Variants in C11orf65 observed in about 807,000 individuals in gnomAD.
C11orf65 encodes chromosome 11 open reading frame 65.
Under a neutral mutation model 35.3 loss-of-function variants are expected in C11orf65, and 38 were observed. That is an observed-to-expected ratio of 1.08 (90% confidence interval 0.83 to 1.41). C11orf65 has a LOEUF of 1.41. Among genes scored for constraint, C11orf65 ranks in the 40% most tolerant of loss-of-function variants. C11orf65 has a pLI of 0.00. For synonymous variants in C11orf65, 105 were observed against 114.4 expected (o/e 0.92, Z 0.53); for missense variants, 370 against 367.1 (o/e 1.01, Z -0.06).
At chr11:108,443,302 C>T (rs917084001) in intron 2 of C11orf65, among the ~76,000 whole-genome samples, 1 of 151,240 alleles carries the variant, frequency 6.6e-6, no homozygotes, top group South Asian at 2.1e-4. Context: ...GCACCCAATA[C>T]AGGAGCACCC....
At position 108,347,370 on chromosome 11, in the gene C11orf65, G is replaced by A. The variant is rs1565567590; in HGVS notation, c.227-12078C>T. 2 of 1,574,738 alleles carry A rather than the reference G, an allele frequency of 1.3e-6. No individual in the cohort carries two copies. The highest frequency in any genetic ancestry group is 2.2e-5 in the South Asian group (2 of 90,202). ...AACTTGTACATATAGATCTAGGTAA[G>A]TAATAAAATCTATGTATCTATTCTT... On this transcript the variant is annotated intron_variant, in intron 2 of 3. Coordinates refer to the C11orf65 transcript ENST00000524755.
At chr11:108,369,148 G>A (rs149092388) in intron 2 of C11orf65, 101 of 159,328 alleles carry the variant, frequency 6.3e-4, no homozygotes, top group Middle Eastern at 2.9e-3. Context: ...TGTTCTGTGT[G>A]CCAGGCATGG....
At chr11:108,359,351 A>G (rs1223650601) in intron 2 of C11orf65, among the ~76,000 whole-genome samples, 1 of 152,124 alleles carries the variant, frequency 6.6e-6, no homozygotes, top group Admixed American at 6.5e-5. Context: ...ATAATGGGAG[A>G]CTTTAACACC....
intron 2 of C11orf65, among the ~76,000 whole-genome samples, chr11:108,460,783 T>C (rs1243267434): frequency 2.0e-5 from 3 of 152,084 alleles, no homozygotes; most frequent in Non-Finnish European, 4.4e-5. Flanking sequence ...TGAAGTGCAA[T>C]GGCGTGATCT....
intron 6 of C11orf65, among the ~76,000 whole-genome samples, chr11:108,400,164 A>G (rs1403488321): frequency 6.6e-6 from 1 of 152,156 alleles, no homozygotes; most frequent in African/African-American, 2.4e-5. Flanking sequence ...TGCCCAAAAT[A>G]TGTCATACAT....
At chr11:108,353,738 C>T (rs2137281818) in intron 2 of C11orf65, 4 of 1,548,032 alleles carry the variant, frequency 2.6e-6, no homozygotes, top group Non-Finnish European at 3.6e-6. Context: ...TGTCAAACCT[C>T]CTAACTTCAC....
chr11:108,309,064 G>A (rs1429746058), exon 7 of C11orf65: 14 of 1,491,614 alleles, frequency 9.4e-6, no homozygotes, highest in Non-Finnish European at 1.3e-5. Context: ...AGATCCTGAA[G>A]AATATTCCTG....
At chr11:108,403,239 A>G (rs905565633) in intron 6 of C11orf65, among the ~76,000 whole-genome samples, 9 of 152,146 alleles carry the variant, frequency 5.9e-5, no homozygotes, top group South Asian at 2.1e-4. Context: ...AGACTATTTC[A>G]GTCATTCTAG....
chr11:108,427,725 A>C (rs1438974249), intron 3 of C11orf65, among the ~76,000 whole-genome samples: 3 of 66,400 alleles, frequency 4.5e-5, no homozygotes, highest in African/African-American at 1.2e-4. Flanking sequence ...CCGCCTCAAA[A>C]AAAAAAAAAA....
intron 6 of C11orf65, among the ~76,000 whole-genome samples, chr11:108,399,357 G>T (rs765097519): frequency 6.6e-6 from 1 of 152,050 alleles, no homozygotes; most frequent in Non-Finnish European, 1.5e-5. Flanking sequence ...TATAAATGTT[G>T]GTCAGCACAG....
chr11:108,402,961 A>G (rs1337030626), intron 6 of C11orf65, among the ~76,000 whole-genome samples: 1 of 150,830 alleles, frequency 6.6e-6, no homozygotes, highest in African/African-American at 2.4e-5. Flanking sequence ...ATATCCTACC[A>G]CTTGCTTATC....
intron 6 of C11orf65, among the ~76,000 whole-genome samples, chr11:108,394,253 T>C (rs1164924504): frequency 6.7e-6 from 1 of 149,840 alleles, no homozygotes; most frequent in East Asian, 2.0e-4. Flanking sequence ...ATAAAGAAAC[T>C]GAGACCTGGA....
At chr11:108,365,265 C>T (rs765392992) in intron 2 of C11orf65, 2 of 1,614,162 alleles carry the variant, frequency 1.2e-6, no homozygotes, top group Non-Finnish European at 1.7e-6. Context: ...TTCAGATTTT[C>T]TTATTCCCAA....
At chr11:108,424,463 C>G (rs1484461934) in intron 3 of C11orf65, among the ~76,000 whole-genome samples, 2 of 151,994 alleles carry the variant, frequency 1.3e-5, no homozygotes, top group South Asian at 2.1e-4. Context: ...GAGAATGGAA[C>G]CAAGTTGGAA....
At chr11:108,334,026 C>T in intron 3 of C11orf65, 2 of 1,340,640 alleles carry the variant, frequency 1.5e-6, no homozygotes, top group East Asian at 2.3e-5. Context: ...TTAGATTGAA[C>T]CATTTGAAAT....
chr11:108,401,053 G>A (rs1410852181), intron 6 of C11orf65, among the ~76,000 whole-genome samples: 1 of 152,004 alleles, frequency 6.6e-6, no homozygotes, highest in Non-Finnish European at 1.5e-5. Context: ...AGGTTGCAGT[G>A]AGCCGAGATT....
At chr11:108,426,617 T>C (rs960330085) in intron 3 of C11orf65, among the ~76,000 whole-genome samples, 7 of 152,026 alleles carry the variant, frequency 4.6e-5, no homozygotes, top group East Asian at 1.9e-4. Flanking sequence ...CAAGCTACCA[T>C]TGACTTTCCT....
At chr11:108,469,711 A>C (rs2093564658), upstream of C11orf65, among the ~76,000 whole-genome samples, 1 of 152,048 alleles carries the variant, frequency 6.6e-6, no homozygotes, top group African/African-American at 2.4e-5. Flanking sequence ...AATACATGTA[A>C]AAATTGTTCA....
chr11:108,323,639 G>C (rs908053967), intron 6 of C11orf65, among the ~76,000 whole-genome samples: 6 of 152,158 alleles, frequency 3.9e-5, no homozygotes, highest in Admixed American at 2.6e-4. Flanking sequence ...TTGTATGCTT[G>C]TATCAAAATA....
Sources: allele counts gnomAD v4.1 joint callset (sites outside exome capture counted in the v4.1 genomes callset), GRCh38; gene constraint gnomAD v4.1.1; transcripts MANE v1.5; gene names NCBI Gene and HGNC (gene_info 2026-07-23, HGNC 2026-07-21).